Variants in PASD1 observed in about 807,000 individuals in gnomAD.
The protein encoded by PASD1 is circadian clock protein PASD1.
Under a neutral mutation model 58.8 loss-of-function variants are expected in PASD1, and 13 were observed. The observed-to-expected ratio is 0.22, with a 90% CI of 0.14 to 0.35. The LOEUF is 0.35. Ranked by LOEUF, PASD1 falls within the 10% of genes least tolerant of loss-of-function variation. PASD1 has a pLI of 1.00. For missense variants in PASD1, 734 were observed against 568.3 expected (o/e 1.29, Z -2.96); for synonymous variants, 236 against 216.7 (o/e 1.09, Z -0.78).
intron 1 of PASD1, among the ~76,000 whole-genome samples, chrX:151,599,830 A>G (rs1396506190): frequency 1.0e-5 from 1 of 98,413 alleles, no homozygotes; most frequent in Non-Finnish European, 2.1e-5. Context: ...ATGGGCAGCC[A>G]GGCAGAGACG....
At chrX:151,658,372 G>A (rs952880088) in intron 9 of PASD1, among the ~76,000 whole-genome samples, 1 of 112,449 alleles carries the variant, frequency 8.9e-6, no homozygotes, top group Non-Finnish European at 1.9e-5. Context: ...ACATGATGCT[G>A]TCATTTAAGT....
chrX:151,621,469 C>T lies in PASD1; in HGVS notation c.308-13C>T, dbSNP rs1289452243. On this transcript the variant is annotated splice_polypyrimidine_tract_variant and intron_variant, in intron 5 of 15. Transcript: ENST00000370357. The stretch of plus-strand genomic sequence containing the variant: ...AATGTAGACTTGTTTTGTATTTCTT[C>T]TCTTTTTACTAGAAACACATATTGA... 3 of 1,137,912 alleles carry T rather than the reference C, an allele frequency of 2.6e-6. No individual in the cohort carries two copies. In the South Asian group the frequency reaches 5.8e-5, roughly 22 times the overall value. 93.8% of individuals were successfully genotyped at this position (1,137,912 alleles called of 1,213,427 possible). A position where few individuals can be genotyped will look rare whatever the true frequency, so the allele number is the denominator to read the frequency against.
chrX:151,641,577 T>C lies in PASD1; in HGVS notation c.630-7038T>C, dbSNP rs184807788. On this transcript the variant is annotated intron_variant, in intron 8 of 15. Transcript: ENST00000370357. ...ATTTTGAAAGCCATAAGAATCCATATCTGTGTCTCGTACAGGAAAACAGGA... is the reference window on the plus strand; with the variant it reads ...ATTTTGAAAGCCATAAGAATCCATACCTGTGTCTCGTACAGGAAAACAGGA... Among the ~76,000 whole-genome samples, 333 of 111,496 alleles carry C rather than the reference T, an allele frequency of 3.0e-3. 3 individuals carry two copies. The highest frequency in any genetic ancestry group is 5.3e-3 in the Non-Finnish European group (280 of 53,115).
intron 11 of PASD1, among the ~76,000 whole-genome samples, chrX:151,667,352 G>C (rs1219960295): frequency 9.0e-6 from 1 of 111,570 alleles, no homozygotes; most frequent in Admixed American, 9.5e-5. Flanking sequence ...TCTGATGGTA[G>C]TTTCTTTTGC....
intron 1 of PASD1, among the ~76,000 whole-genome samples, chrX:151,594,123 G>A (rs983569944): frequency 5.4e-5 from 6 of 110,304 alleles, no homozygotes; most frequent in Admixed American, 9.6e-5. Flanking sequence ...ACAGGTGCCC[G>A]CCACCATGCC....
At chrX:151,668,802 G>C (rs3893210) in intron 11 of PASD1, among the ~76,000 whole-genome samples, 32,328 of 107,606 alleles carry the variant, frequency 0.3, 4,197 homozygotes, top group Middle Eastern at 0.44. Context: ...GGTACCATTC[G>C]TTCTGAAACT....
intron 7 of PASD1, among the ~76,000 whole-genome samples, chrX:151,623,304 CATAAT>C (rs1012468669): frequency 4.5e-5 from 5 of 111,842 alleles, no homozygotes; most frequent in Non-Finnish European, 9.4e-5. Context: ...GTAGTCTTGA[CATAAT>C]ATAAAATATT....
In PASD1 at chrX:151,621,009, A is replaced by C; in HGVS notation, c.287A>C (p.Lys96Thr). Residue 96 changes from lysine to threonine, a missense_variant, in exon 5 of 16, where the codon AAA becomes ACA. Lys to Thr is a moderately conservative substitution (Grantham distance 78). Coordinates refer to ENST00000370357, the MANE Select transcript of PASD1 (RefSeq NM_173493.3). ...KDEVYQKIIL[K>T]FPLLNSETHI... ...GAAGTCTACCAAAAGATTATTCTCAAATTTCCTTTACTAAACTCAGGTATG... is the reference window on the plus strand; with the variant it reads ...GAAGTCTACCAAAAGATTATTCTCACATTTCCTTTACTAAACTCAGGTATG... The C allele has an allele frequency of 8.4e-7, 1 of 1,196,263 alleles. No individual in the cohort carries two copies. Among genetic ancestry groups the C allele is most frequent in the Non-Finnish European group, 1.1e-6 (1 of 883,826 alleles).
chrX:151,616,168 A>T (rs1376835172), intron 4 of PASD1, among the ~76,000 whole-genome samples: 1 of 111,911 alleles, frequency 8.9e-6, no homozygotes, highest in Non-Finnish European at 1.9e-5. Flanking sequence ...GGAGCAGATG[A>T]AAGAAATGAT....
intron 9 of PASD1, among the ~76,000 whole-genome samples, chrX:151,653,678 T>TC (rs1357325494): frequency 9.4e-6 from 1 of 105,899 alleles, no homozygotes; most frequent in Non-Finnish European, 2.0e-5. Flanking sequence ...CTTCCTTCCT[T>TC]CCTTCCTTCC....
chrX:151,663,759 C>A lies in PASD1; in HGVS notation c.842-360C>A, dbSNP rs1037795950. Among the ~76,000 whole-genome samples the A allele has an allele frequency of 7.3e-4, 82 of 112,089 alleles. 2 individuals are homozygous for A. The highest frequency in any genetic ancestry group is 2.6e-3 in the African/African-American group (81 of 30,804). ...CACTCCCGAGGTCCCACATTCTGGG[C>A]AACCCGATTGTGCAGAAGTGATTTA... On this transcript the variant is annotated intron_variant, in intron 10 of 15. Coordinates refer to ENST00000370357, the MANE Select transcript of PASD1 (RefSeq NM_173493.3).
chrX:151,637,325 G>T (rs1318311720), intron 8 of PASD1, among the ~76,000 whole-genome samples: 1 of 112,089 alleles, frequency 8.9e-6, no homozygotes, highest in African/African-American at 3.2e-5. Flanking sequence ...CAGGGTGGTT[G>T]TGCCATTTTG....
chrX:151,574,886 A>G lies in PASD1; in HGVS notation c.-28+11047A>G, dbSNP rs184404143. 3.1e-3 allele frequency among the ~76,000 whole-genome samples: 343 copies of G among 112,329 alleles called. 2 individuals are homozygous for G. Among genetic ancestry groups the G allele is most frequent in the African/African-American group, 0.011 (327 of 30,963 alleles). On this transcript the variant is annotated intron_variant, in intron 1 of 15. Transcript: ENST00000370357. ...GGCTGGTCTTGAACTCCTGGGCTCA[A>G]GGAATCCTCCTGTCTCAGGCTTCCC...
At chrX:151,580,090 TTCCATCTGTGCTC>T (rs1282780834) in intron 1 of PASD1, among the ~76,000 whole-genome samples, 2 of 112,082 alleles carry the variant, frequency 1.8e-5, no homozygotes, top group African/African-American at 6.5e-5. Context: ...TGTTTCTGTA[TTCCATCTGTGCTC>T]TTCATTTTTA....
At chrX:151,581,176 C>T (rs2013084781) in intron 1 of PASD1, among the ~76,000 whole-genome samples, 1 of 91,365 alleles carries the variant, frequency 1.1e-5, no homozygotes, top group Non-Finnish European at 2.0e-5. Context: ...GGCAGCGAGC[C>T]AAGACTGCAC....
intron 1 of PASD1, among the ~76,000 whole-genome samples, chrX:151,577,806 G>A (rs1008479083): frequency 1.8e-5 from 2 of 112,000 alleles, no homozygotes; most frequent in East Asian, 2.8e-4. Context: ...GATTATAGGC[G>A]TGAGCCACTG....
Position 151,676,257 on chromosome X carries a change from G to A in PASD1, c.*114G>A. ...AAAGTCCCTTGGGGTAGGGTTTAGT[G>A]GGTAGAGACTTATTTGTTTCCTGAT... On this transcript the variant is annotated 3_prime_UTR_variant, in exon 16 of 16. Transcript: ENST00000370357. 1 of 756,203 alleles carries A rather than the reference G, an allele frequency of 1.3e-6. No homozygotes were observed. Among genetic ancestry groups the A allele is most frequent in the Non-Finnish European group, 1.9e-6 (1 of 535,866 alleles). 62.3% of individuals were successfully genotyped at this position (756,203 alleles called of 1,213,427 possible). A position where few individuals can be genotyped will look rare whatever the true frequency, so the allele number is the denominator to read the frequency against.
Position 151,642,515 on chromosome X carries a change from T to C in PASD1, c.630-6100T>C, listed in dbSNP as rs1036517462. ...TTAAAAGTCACAGAATGGTTTACCA[T>C]TCTTATGAATAAAAACAGAATTTCA... On this transcript the variant is annotated intron_variant, in intron 8 of 15. Coordinates refer to ENST00000370357, the MANE Select transcript of PASD1 (RefSeq NM_173493.3). Among the ~76,000 whole-genome samples, 3 of 112,489 alleles carry C rather than the reference T, an allele frequency of 2.7e-5. No individual in the cohort carries two copies. In the East Asian group the frequency reaches 8.4e-4, roughly 31 times the overall value.
chrX:151,616,421 T>G (rs2013637771), intron 4 of PASD1, among the ~76,000 whole-genome samples: 2 of 110,877 alleles, frequency 1.8e-5, no homozygotes, highest in Non-Finnish European at 3.8e-5. Context: ...AATAAAATGA[T>G]GCCCATTATC....
Sources: allele counts gnomAD v4.1 joint callset (sites outside exome capture counted in the v4.1 genomes callset), GRCh38; gene constraint gnomAD v4.1.1; transcripts MANE v1.5; gene names NCBI Gene and HGNC (gene_info 2026-07-23, HGNC 2026-07-21).